Variants in PTPN3 observed in about 807,000 individuals in gnomAD.
PTPN3 encodes protein tyrosine phosphatase non-receptor type 3.
PTPN3 carries 96 observed loss-of-function variants against 132.7 expected under a neutral mutation model. The observed-to-expected ratio is 0.72, with a 90% CI of 0.61 to 0.86. The LOEUF (loss-of-function observed/expected upper bound fraction) is 0.86, where lower values mean the gene tolerates loss of function less well. PTPN3 is among the 40% of genes least tolerant of loss of function. The pLI, the probability that PTPN3 is intolerant of heterozygous loss-of-function variation, is 0.00. For synonymous variants in PTPN3, 398 were observed against 429.0 expected, an observed-to-expected ratio of 0.93 and a Z score of 0.89; for missense variants, 1,125 against 1,159.6, an observed-to-expected ratio of 0.97 and a Z score of 0.43.
intron 12 of PTPN3, among the ~76,000 whole-genome samples, chr9:109,425,439 G>A (rs1157653906): frequency 1.3e-5 from 2 of 152,190 alleles, no homozygotes; most frequent in Admixed American, 1.3e-4. Context: ...GGCCTGGCAC[G>A]GTGGCTCATG....
chr9:109,507,311 G>A, the PTPN3 span, among the ~76,000 whole-genome samples: 26 of 152,352 alleles, frequency 1.7e-4, 1 homozygote, highest in South Asian at 5.4e-3. Context: ...CAACTGGTCA[G>A]CCCTCTGCTG....
rs147759035 is a variant in PTPN3 at position 109,488,796 on chromosome 9, C to A, written c.-18+9423G>T. ...AATCTAGACTTCCTGATAAATGGCC[C>A]TGTAGTGACCTTGTTACTGGGATCC... On this transcript the variant is annotated intron_variant, in intron 1 of 25. Transcript: ENST00000374541. 1.7e-3 allele frequency among the ~76,000 whole-genome samples: 260 copies of A among 152,292 alleles called. 1 individual carries two copies. Among genetic ancestry groups the A allele is most frequent in the African/African-American group, 5.6e-3 (234 of 41,550 alleles).
intron 7 of PTPN3, among the ~76,000 whole-genome samples, chr9:109,440,545 C>T (rs796319543): frequency 3.3e-5 from 5 of 152,322 alleles, no homozygotes; most frequent in African/African-American, 1.2e-4. Context: ...ACCAGCCTGC[C>T]TGCCAGGCCT....
intron 14 of PTPN3, among the ~76,000 whole-genome samples, chr9:109,414,037 T>C (rs1842285820): frequency 6.6e-6 from 1 of 152,142 alleles, no homozygotes; most frequent in South Asian, 2.1e-4. Context: ...GCTCTTTCTG[T>C]TCCTCTCCTA....
chr9:109,496,781 G>A (rs143681022), intron 1 of PTPN3, among the ~76,000 whole-genome samples: 1 of 152,266 alleles, frequency 6.6e-6, no homozygotes, highest in African/African-American at 2.4e-5. Context: ...GGAACAACTG[G>A]GGAACAGGAA....
intron 19 of PTPN3, among the ~76,000 whole-genome samples, chr9:109,398,035 G>A (rs1588322610): frequency 1.3e-5 from 2 of 152,214 alleles, no homozygotes; most frequent in Admixed American, 6.5e-5. Flanking sequence ...GCACTTTGTG[G>A]GGCCAAGGTG....
the PTPN3 span, among the ~76,000 whole-genome samples, chr9:109,508,944 A>G: frequency 6.6e-6 from 1 of 152,106 alleles, no homozygotes; most frequent in African/African-American, 2.4e-5. Flanking sequence ...CTGTAATCCC[A>G]GTGCTTTGGG....
At chr9:109,505,972 C>T in the PTPN3 span, among the ~76,000 whole-genome samples, 2 of 151,614 alleles carry the variant, frequency 1.3e-5, no homozygotes, top group African/African-American at 2.4e-5. Context: ...AGGATGGTCT[C>T]GATCTCCTGA....
intron 10 of PTPN3, among the ~76,000 whole-genome samples, chr9:109,430,024 A>G (rs959692864): frequency 2.0e-5 from 3 of 152,126 alleles, no homozygotes; most frequent in Admixed American, 1.3e-4. Flanking sequence ...ATACACATCT[A>G]TTTTCAACGA....
At chr9:109,434,559 C>T (rs546836377) in intron 9 of PTPN3, among the ~76,000 whole-genome samples, 23 of 152,282 alleles carry the variant, frequency 1.5e-4, no homozygotes, top group Admixed American at 7.2e-4. Context: ...CCTCCTGCCT[C>T]GGCCTCCCAA....
chr9:109,519,119 C>T, the PTPN3 span, among the ~76,000 whole-genome samples: 1 of 152,186 alleles, frequency 6.6e-6, no homozygotes, highest in Non-Finnish European at 1.5e-5. Context: ...GAACCCAGCA[C>T]TGGGCCTAAG....
At chr9:109,433,726 C>T (rs760256718) in intron 9 of PTPN3, among the ~76,000 whole-genome samples, 117 of 152,020 alleles carry the variant, frequency 7.7e-4, no homozygotes, top group Non-Finnish European at 1.5e-3. Context: ...GGCAACATGG[C>T]GAAACTCTGT....
intron 10 of PTPN3, among the ~76,000 whole-genome samples, chr9:109,430,131 G>A (rs1843553921): frequency 6.6e-6 from 1 of 152,180 alleles, no homozygotes; most frequent in African/African-American, 2.4e-5. Flanking sequence ...CCCTTCTGGA[G>A]ATACTCTTCC....
At chr9:109,424,002 C>T (rs370576080) in intron 12 of PTPN3, among the ~76,000 whole-genome samples, 1 of 152,166 alleles carries the variant, frequency 6.6e-6, no homozygotes, top group African/African-American at 2.4e-5. Context: ...ATGCTCACAA[C>T]AGCATCACTG....
At chr9:109,410,459 T>C (rs1381986329) in intron 14 of PTPN3, 44 bp from the exon 15 acceptor site, 2 of 1,591,992 alleles carry the variant, frequency 1.3e-6, no homozygotes, top group South Asian at 2.2e-5. Context: ...TGGGTTAATA[T>C]TTTATTAGAG....
At chr9:109,417,395 C>G (rs1842594814) in intron 14 of PTPN3, among the ~76,000 whole-genome samples, 1 of 152,226 alleles carries the variant, frequency 6.6e-6, no homozygotes, top group South Asian at 2.1e-4. Flanking sequence ...AAGGAACCCT[C>G]CTCACTGTCT....
At chr9:109,441,490 G>A (rs1844466058) in intron 7 of PTPN3, among the ~76,000 whole-genome samples, 1 of 152,048 alleles carries the variant, frequency 6.6e-6, no homozygotes, top group African/African-American at 2.4e-5. Context: ...TGCACCCCTG[G>A]TGGCCATCTC....
chr9:109,527,287 CCT>C, the PTPN3 span, among the ~76,000 whole-genome samples: 1 of 152,100 alleles, frequency 6.6e-6, no homozygotes, highest in East Asian at 1.9e-4. Flanking sequence ...ATGGCAAAAC[CCT>C]GTCTCTACTA....
At chr9:109,514,088 A>G in the PTPN3 span, among the ~76,000 whole-genome samples, 1 of 152,070 alleles carries the variant, frequency 6.6e-6, no homozygotes, top group African/African-American at 2.4e-5. Context: ...TCTCTTGCCA[A>G]ACAAAGAAAT....
Sources: allele counts gnomAD v4.1 joint callset (sites outside exome capture counted in the v4.1 genomes callset), GRCh38; gene constraint gnomAD v4.1.1; transcripts MANE v1.5; gene names NCBI Gene and HGNC (gene_info 2026-07-23, HGNC 2026-07-21).